Variants in PCM1 observed in about 807,000 individuals in gnomAD.
PCM1 encodes pericentriolar material 1, also known as pericentriolar material 1 protein.
PCM1 carries 157 observed loss-of-function variants against 241.9 expected under a neutral mutation model. The observed-to-expected ratio is 0.65, with a 90% CI of 0.57 to 0.74. PCM1 has a LOEUF of 0.74. PCM1 is among the 30% of genes least tolerant of loss of function. The pLI is 0.00. For missense variants in PCM1, 3,478 were observed against 2,360.1 expected, an observed-to-expected ratio of 1.47 and a Z score of -9.81; for synonymous variants, 1,085 against 784.9, an observed-to-expected ratio of 1.38 and a Z score of -6.39.
chr8:17,943,383 T>C (rs1030076228), intron 6 of PCM1, among the ~76,000 whole-genome samples: 9 of 152,148 alleles, frequency 5.9e-5, no homozygotes, highest in African/African-American at 2.2e-4. Flanking sequence ...AGCTGATTAT[T>C]TTAAAAACTA....
chr8:17,937,340 G>C lies in PCM1; in HGVS notation c.303G>C (p.Glu101Asp). 1 of 1,606,204 alleles carries C rather than the reference G, an allele frequency of 6.2e-7. No individual in the cohort carries two copies. The highest frequency in any genetic ancestry group is 2.2e-5 in the East Asian group (1 of 44,740). Residue 101 changes from glutamate to aspartate, a missense_variant, in exon 4 of 39, where the codon GAG (glutamate) becomes GAC (aspartate). Physicochemically the swap from Glu to Asp is conservative, Grantham distance 45. Coordinates refer to ENST00000325083, the MANE Select transcript of PCM1 (RefSeq NM_006197.4). The stretch of plus-strand genomic sequence containing the variant: ...CTGTCCCAGAGCAGGCAGAATTAGA[G>C]AAACTGAAACAGCGGATAAACTTCA... ...QMSVPEQAEL[E>D]KLKQRINFSD...
chr8:18,001,378 G>A (rs1056135182), intron 29 of PCM1, among the ~76,000 whole-genome samples: 2 of 152,068 alleles, frequency 1.3e-5, no homozygotes, highest in African/African-American at 4.8e-5. Flanking sequence ...TTAGTTCAAA[G>A]GTCATAAACA....
In PCM1 at chr8:17,957,573, T is replaced by C. The variant is rs181777656; in HGVS notation, c.1838T>C (p.Ile613Thr). ...TATAATAGAGAAGGGGAACAGGAGATTCATGTTGCACAAGGTGAAGATGAT... is the reference window on the plus strand; with the variant it reads ...TATAATAGAGAAGGGGAACAGGAGACTCATGTTGCACAAGGTGAAGATGAT... Reference protein sequence around the residue: ...CRYNREGEQEIHVAQGEDDEE... With the variant: ...CRYNREGEQETHVAQGEDDEE... Residue 613 changes from isoleucine (I) to threonine (T), a missense_variant, in exon 13 of 39, where the codon ATT (isoleucine) becomes ACT (threonine). Physicochemically the swap from Ile to Thr is moderately conservative, Grantham distance 89. Coordinates refer to ENST00000325083, the MANE Select transcript of PCM1 (RefSeq NM_006197.4). 3 of 1,573,298 alleles carry C rather than the reference T, an allele frequency of 1.9e-6. No individual in the cohort carries two copies. In the East Asian group the frequency reaches 7.0e-5, roughly 37 times the overall value.
intron 6 of PCM1, among the ~76,000 whole-genome samples, chr8:17,944,401 T>G (rs566368286): frequency 6.6e-6 from 1 of 152,102 alleles, no homozygotes; most frequent in South Asian, 2.1e-4. Context: ...TACATAATTA[T>G]CTGAAGCTGT....
At position 18,006,407 on chromosome 8, in the gene PCM1, T is replaced by G; in HGVS notation, c.4962+10T>G. On this transcript the variant is annotated intron_variant, in intron 30 of 38. Coordinates refer to ENST00000325083, the MANE Select transcript of PCM1 (RefSeq NM_006197.4). ...TGGAAGTATATTACAGGTAAGAGTT[T>G]ATACTTGTATGATTTACCAATATGT... The G allele has an allele frequency of 1.3e-6, 2 of 1,589,076 alleles. No homozygotes were observed. The highest frequency in any genetic ancestry group is 1.7e-6 in the Non-Finnish European group (2 of 1,157,590).
chr8:17,998,031 G>T (rs1430143328), intron 29 of PCM1, among the ~76,000 whole-genome samples: 1 of 145,266 alleles, frequency 6.9e-6, no homozygotes, highest in East Asian at 2.0e-4. Context: ...GCAAGGCTCC[G>T]TCTGAAAAAA....
At chr8:17,946,018 G>T (rs1209315315) in intron 6 of PCM1, among the ~76,000 whole-genome samples, 1 of 152,050 alleles carries the variant, frequency 6.6e-6, no homozygotes, top group Non-Finnish European at 1.5e-5. Flanking sequence ...TATACGTTTC[G>T]ATGTATAATT....
At chr8:17,989,829 G>A in intron 26 of PCM1, 30 bp from the exon 27 acceptor site, 2 of 1,425,690 alleles carry the variant, frequency 1.4e-6, no homozygotes, top group Admixed American at 4.3e-5. Context: ...AGAAGTATTA[G>A]TGATTTTTGT....
At chr8:17,995,444 G>A (rs556857642) in intron 29 of PCM1, among the ~76,000 whole-genome samples, 2 of 151,540 alleles carry the variant, frequency 1.3e-5, no homozygotes, top group Admixed American at 1.3e-4. Flanking sequence ...TTGTATGCCA[G>A]TACCACGCTG....
At chr8:18,014,142 T>G in intron 35 of PCM1, 106 bp downstream of exon 35, 2 of 690,938 alleles carry the variant, frequency 2.9e-6, no homozygotes, top group Non-Finnish European at 4.9e-6. Flanking sequence ...ATTCTTAGTT[T>G]GAAAGTACTT....
At chr8:18,001,122 G>A (rs1455383701) in intron 29 of PCM1, among the ~76,000 whole-genome samples, 1 of 152,200 alleles carries the variant, frequency 6.6e-6, no homozygotes, top group East Asian at 1.9e-4. Context: ...TTCAGCATTT[G>A]TAAGTTGTAC....
In PCM1 at chr8:17,960,333, T is replaced by TA; in HGVS notation, c.2214dup (p.Leu739ThrfsTer20). 1 of 1,593,752 alleles carries TA rather than the reference T, an allele frequency of 6.3e-7. No homozygotes were observed. ...ATTGTAGAGAGAAATTTTATGAGGC[T>TA]AAACTACAGCAGCAACAGAGAGAGC... On this transcript the variant is annotated frameshift_variant, in exon 15 of 39. Coordinates refer to ENST00000325083, the MANE Select transcript of PCM1 (RefSeq NM_006197.4). LOFTEE classifies it high-confidence loss of function.
intron 9 of PCM1, among the ~76,000 whole-genome samples, chr8:17,954,477 C>G (rs1444721505): frequency 6.6e-6 from 1 of 151,222 alleles, no homozygotes; most frequent in Non-Finnish European, 1.5e-5. Context: ...GTGAAAGTTG[C>G]GCTTAAGTCC....
chr8:17,950,081 C>A (rs1358063623), intron 7 of PCM1, among the ~76,000 whole-genome samples: 2 of 152,022 alleles, frequency 1.3e-5, no homozygotes, highest in Admixed American at 6.6e-5. Flanking sequence ...ACAGCCATGC[C>A]CTTTTGTTTA....
At chr8:18,019,275 C>G (rs1271420596) in intron 36 of PCM1, among the ~76,000 whole-genome samples, 2 of 152,070 alleles carry the variant, frequency 1.3e-5, no homozygotes. Context: ...ATACTTTTAG[C>G]TTACAATGGA....
rs575191548 is a variant in PCM1 at position 18,010,595 on chromosome 8, G to A, written c.5161-14G>A. On this transcript the variant is annotated splice_polypyrimidine_tract_variant and intron_variant, in intron 31 of 38. Coordinates refer to ENST00000325083, the MANE Select transcript of PCM1 (RefSeq NM_006197.4). ...GTATGTTGCTAAATTCTGTGTAATTGATTTGTTTTAAAGGCTAAAAGGATT... is the reference window on the plus strand; with the variant it reads ...GTATGTTGCTAAATTCTGTGTAATTAATTTGTTTTAAAGGCTAAAAGGATT... 8.2e-6 allele frequency: 13 copies of A among 1,577,742 alleles called. No homozygotes were observed. The highest frequency in any genetic ancestry group is 1.7e-4 in the Middle Eastern group (1 of 5,966).
At chr8:17,987,172 G>C (rs2082885428) in intron 26 of PCM1, among the ~76,000 whole-genome samples, 1 of 151,872 alleles carries the variant, frequency 6.6e-6, no homozygotes, top group Non-Finnish European at 1.5e-5. Context: ...GTAAATTAGT[G>C]TCAGTCAGTG....
chr8:17,998,031 G>A (rs1430143328), intron 29 of PCM1, among the ~76,000 whole-genome samples: 3 of 145,156 alleles, frequency 2.1e-5, no homozygotes, highest in Non-Finnish European at 3.0e-5. Context: ...GCAAGGCTCC[G>A]TCTGAAAAAA....
chr8:17,970,359 A>G (rs191607129), intron 22 of PCM1, among the ~76,000 whole-genome samples: 2 of 151,744 alleles, frequency 1.3e-5, no homozygotes, highest in East Asian at 1.9e-4. Context: ...CTCTTTAGCT[A>G]TGTGATTAGG....
Sources: gnomAD v4.1 joint callset for allele counts (sites outside exome capture counted in the v4.1 genomes callset) on GRCh38, gnomAD v4.1.1 for gene constraint, MANE v1.5 for transcripts, NCBI Gene and HGNC (gene_info 2026-07-23, HGNC 2026-07-21) for gene names.